The following SEMA3A variants were observed in gnomAD, a reference collection of about 807,000 sequenced individuals.
SEMA3A encodes semaphorin 3A, also known as semaphorin-3A.
In SEMA3A, 29 loss-of-function variants were observed where a neutral mutation model predicts 97.9. The ratio of observed to expected loss-of-function variants is 0.30; its 90% confidence interval spans 0.22 to 0.40. The LOEUF is 0.40. Ranked by LOEUF, SEMA3A falls within the 10% of genes least tolerant of loss-of-function variation. SEMA3A has a pLI of 1.00. For synonymous variants in SEMA3A, 321 were observed against 323.7 expected (o/e 0.99, Z 0.09); for missense variants, 763 against 951.3 (o/e 0.80, Z 2.60).
chr7:84,323,592 G>GA (rs1224343741), intron 2 of SEMA3A, among the ~76,000 whole-genome samples: 1 of 151,696 alleles, frequency 6.6e-6, no homozygotes, highest in Non-Finnish European at 1.5e-5. Flanking sequence ...GGAAAACTCT[G>GA]AAAAAATAGT....
chr7:84,463,809 C>T (rs773547388), intron 1 of SEMA3A, among the ~76,000 whole-genome samples: 2 of 152,092 alleles, frequency 1.3e-5, no homozygotes, highest in Non-Finnish European at 2.9e-5. Flanking sequence ...TCTTTCCCTT[C>T]CTTCCTTTTC....
intron 3 of SEMA3A, among the ~76,000 whole-genome samples, chr7:84,223,664 G>T (rs1798929875): frequency 6.6e-6 from 1 of 151,690 alleles, no homozygotes; most frequent in African/African-American, 2.4e-5. Flanking sequence ...CTCTGAGGAG[G>T]AATACTTTAT....
chr7:84,322,273 G>A (rs1584238447), intron 2 of SEMA3A, among the ~76,000 whole-genome samples: 1 of 152,188 alleles, frequency 6.6e-6, no homozygotes, highest in East Asian at 1.9e-4. Flanking sequence ...TTACTCCATA[G>A]TGTTGTGAGA....
chr7:83,962,065 T>C (rs1197399041), intron 16 of SEMA3A, among the ~76,000 whole-genome samples: 3 of 152,078 alleles, frequency 2.0e-5, no homozygotes, highest in Admixed American at 1.3e-4. Flanking sequence ...TAGAATTTCT[T>C]ATAATAATTT....
chr7:83,966,400 A>C (rs2116269184), intron 15 of SEMA3A, among the ~76,000 whole-genome samples: 1 of 152,290 alleles, frequency 6.6e-6, no homozygotes, highest in Middle Eastern at 3.4e-3. Context: ...CACCTAAATA[A>C]GGCAAGAACC....
chr7:84,484,011 T>G (rs1373788632), intron 1 of SEMA3A, among the ~76,000 whole-genome samples: 1 of 149,830 alleles, frequency 6.7e-6, no homozygotes, highest in African/African-American at 2.5e-5. Flanking sequence ...GCCACTGCAC[T>G]CCAGCTTGGG....
intron 2 of SEMA3A, among the ~76,000 whole-genome samples, chr7:84,353,672 T>TTAAA (rs1459664726): frequency 6.6e-6 from 1 of 151,758 alleles, no homozygotes; most frequent in Admixed American, 6.6e-5. Flanking sequence ...CTTTGTCATA[T>TTAAA]TAAAATAGGC....
In SEMA3A at chr7:84,383,122, C is replaced by A. The variant is rs529184445; in HGVS notation, c.-245-11222G>T. Among the ~76,000 whole-genome samples, 16 of 152,134 alleles carry A rather than the reference C, an allele frequency of 1.1e-4. 1 individual carries two copies. The South Asian group carries it at 2.9e-3, about 28-fold the overall frequency. On this transcript the variant is annotated intron_variant, in intron 1 of 3. Transcript: ENST00000424555. ...GAAGATATGAATAAAAAAGAAATAA[C>A]AAAGAAACCTTCTTCTACATTGCAA...
intron 1 of SEMA3A, among the ~76,000 whole-genome samples, chr7:84,492,175 C>T (rs191119360): frequency 4.9e-4 from 74 of 151,988 alleles, no homozygotes; most frequent in Non-Finnish European, 8.5e-4. Context: ...GACATTTCAC[C>T]CAGAAGTAGC....
At chr7:84,401,329 A>G (rs1210327790) in intron 1 of SEMA3A, among the ~76,000 whole-genome samples, 1 of 152,166 alleles carries the variant, frequency 6.6e-6, no homozygotes, top group Non-Finnish European at 1.5e-5. Flanking sequence ...AGTGAAAATG[A>G]TAAAATGCTA....
At chr7:84,021,757 A>G (rs912536544) in intron 6 of SEMA3A, among the ~76,000 whole-genome samples, 16 of 152,216 alleles carry the variant, frequency 1.1e-4, no homozygotes, top group Non-Finnish European at 1.9e-4. Flanking sequence ...TAATACATAA[A>G]TGAATCTCCT....
intron 4 of SEMA3A, among the ~76,000 whole-genome samples, chr7:84,090,349 C>T (rs1490788363): frequency 2.0e-5 from 3 of 152,138 alleles, no homozygotes; most frequent in African/African-American, 7.2e-5. Context: ...GATACACTCC[C>T]TCCTTTCTGT....
intron 6 of SEMA3A, among the ~76,000 whole-genome samples, chr7:84,033,662 G>A (rs1172962601): frequency 6.6e-6 from 1 of 152,070 alleles, no homozygotes; most frequent in Non-Finnish European, 1.5e-5. Flanking sequence ...AGGTAGAAGG[G>A]AACAAAAACC....
At chr7:84,338,309 A>G (rs1802085981) in intron 2 of SEMA3A, among the ~76,000 whole-genome samples, 1 of 152,026 alleles carries the variant, frequency 6.6e-6, no homozygotes, top group South Asian at 2.1e-4. Context: ...GAGTAATGCA[A>G]ATCTGTGTGC....
At chr7:84,335,243 T>C (rs1013226974) in intron 2 of SEMA3A, among the ~76,000 whole-genome samples, 1 of 152,168 alleles carries the variant, frequency 6.6e-6, no homozygotes, top group Non-Finnish European at 1.5e-5. Context: ...TTGTACATAA[T>C]TTCAATTGGT....
intron 3 of SEMA3A, among the ~76,000 whole-genome samples, chr7:84,215,615 A>G (rs1430940083): frequency 6.7e-6 from 1 of 148,718 alleles, no homozygotes; most frequent in Non-Finnish European, 1.5e-5. Flanking sequence ...GCCATATTAT[A>G]TGCCTTACTT....
chr7:84,262,558 T>C (rs1799884008), intron 3 of SEMA3A, among the ~76,000 whole-genome samples: 1 of 152,188 alleles, frequency 6.6e-6, no homozygotes, highest in South Asian at 2.1e-4. Context: ...GTGAAACTTA[T>C]TCAACATTTA....
intron 2 of SEMA3A, among the ~76,000 whole-genome samples, chr7:84,329,104 T>C (rs1383488188): frequency 6.6e-6 from 1 of 151,804 alleles, no homozygotes; most frequent in Non-Finnish European, 1.5e-5. Context: ...CCTGGAACTT[T>C]TAAGAAAAAA....
rs777196605 is a variant in SEMA3A, at chr7:84,296,764, A to G, written c.-83+10443T>C. On this transcript the variant is annotated intron_variant, in intron 3 of 3. Coordinates refer to the SEMA3A transcript ENST00000424555. ...CCAAGGGAAATTTCACATTGTGAGT[A>G]GCAAATTCTACAAGATGTTAAGGGA... 8.5e-4 allele frequency among the ~76,000 whole-genome samples: 130 copies of G among 152,184 alleles called. 1 individual carries two copies. Among genetic ancestry groups the G allele is most frequent in the Admixed American group, 3.2e-3 (49 of 15,270 alleles).
Sources: allele counts gnomAD v4.1 joint callset (sites outside exome capture counted in the v4.1 genomes callset), GRCh38; gene constraint gnomAD v4.1.1; transcripts MANE v1.5; gene names NCBI Gene and HGNC (gene_info 2026-07-23, HGNC 2026-07-21).